DAB1: variants seen among roughly 807,000 people sequenced by gnomAD.
DAB1 encodes disabled homolog 1.
A neutral mutation model predicts 64.6 loss-of-function variants in DAB1; 15 were observed. The ratio of observed to expected loss-of-function variants is 0.23; its 90% confidence interval spans 0.16 to 0.36. The LOEUF (loss-of-function observed/expected upper bound fraction) is 0.36. DAB1 is among the 10% of genes least tolerant of loss of function. DAB1 has a pLI of 1.00. For synonymous variants in DAB1, 235 were observed against 251.9 expected (o/e 0.93, Z 0.64); for missense variants, 596 against 706.7 (o/e 0.84, Z 1.78).
chr1:58,230,360 C>T (rs1326453401), intron 4 of DAB1, among the ~76,000 whole-genome samples: 1 of 152,118 alleles, frequency 6.6e-6, no homozygotes, highest in African/African-American at 2.4e-5. Context: ...TAATAGCCAC[C>T]CAGGCAGGAG....
chr1:58,342,201 A>G (rs934752467), intron 4 of DAB1, among the ~76,000 whole-genome samples: 2 of 152,214 alleles, frequency 1.3e-5, no homozygotes, highest in Non-Finnish European at 2.9e-5. Context: ...ACTTAAAGAC[A>G]GTAGCACTTG....
At chr1:58,351,569 C>A (rs963453421) in intron 3 of DAB1, among the ~76,000 whole-genome samples, 6 of 151,656 alleles carry the variant, frequency 4.0e-5, no homozygotes, top group Admixed American at 6.6e-5. Context: ...TAAGTGTTGG[C>A]CTAGAGTAAG....
At chr1:58,040,324 ATGT>A (rs1468257492) in intron 5 of DAB1, among the ~76,000 whole-genome samples, 1 of 152,152 alleles carries the variant, frequency 6.6e-6, no homozygotes, top group African/African-American at 2.4e-5. Flanking sequence ...GAGTGGAAGG[ATGT>A]TGTGTTTCAT....
At chr1:57,604,934 T>A (rs1645618975) in intron 7 of DAB1, among the ~76,000 whole-genome samples, 1 of 152,168 alleles carries the variant, frequency 6.6e-6, no homozygotes, top group South Asian at 2.1e-4. Flanking sequence ...ATCTCTTGTA[T>A]CTTGGTGGCT....
intron 3 of DAB1, among the ~76,000 whole-genome samples, chr1:58,441,153 A>G (rs529546986): frequency 6.6e-6 from 1 of 152,336 alleles, no homozygotes; most frequent in South Asian, 2.1e-4. Flanking sequence ...CAGCCCTGCA[A>G]CAAAGATGCA....
intron 2 of DAB1, chr1:58,506,218 A>C (rs1645987489): frequency 1.2e-6 from 1 of 860,760 alleles, no homozygotes; most frequent in Non-Finnish European, 2.0e-6. Context: ...GCCTAAAACC[A>C]AAATTAGTAA....
intron 2 of DAB1, among the ~76,000 whole-genome samples, chr1:57,232,696 T>C (rs1177520954): frequency 6.6e-6 from 1 of 152,114 alleles, no homozygotes; most frequent in African/African-American, 2.4e-5. Flanking sequence ...GGCGCCCATC[T>C]GAAGAGCAAC....
At chr1:58,097,079 G>A (rs1442067779) in intron 5 of DAB1, among the ~76,000 whole-genome samples, 2 of 152,180 alleles carry the variant, frequency 1.3e-5, no homozygotes, top group African/African-American at 2.4e-5. Flanking sequence ...ACAGTTATTT[G>A]TTGAGGGCCA....
chr1:58,466,957 T>C (rs1167645913), intron 3 of DAB1, among the ~76,000 whole-genome samples: 1 of 152,224 alleles, frequency 6.6e-6, no homozygotes, highest in Non-Finnish European at 1.5e-5. Flanking sequence ...TGAATGAATA[T>C]GTGAATACAT....
intron 7 of DAB1, among the ~76,000 whole-genome samples, chr1:57,463,745 TC>T (rs1327508728): frequency 2.0e-5 from 3 of 152,204 alleles, no homozygotes; most frequent in African/African-American, 7.2e-5. Flanking sequence ...TTCTGTTTTT[TC>T]CCATGCTCTT....
intron 5 of DAB1, among the ~76,000 whole-genome samples, chr1:58,103,530 A>G (rs1429343684): frequency 1.3e-5 from 2 of 152,244 alleles, no homozygotes; most frequent in Non-Finnish European, 2.9e-5. Context: ...GACAGGAACC[A>G]GTATGACTGA....
At position 58,132,329 on chromosome 1, in the gene DAB1, C is replaced by G. The variant is rs148787316; in HGVS notation, n.387+18182G>C. Among the ~76,000 whole-genome samples the G allele has an allele frequency of 6.4e-4, 97 of 152,290 alleles. 1 individual carries two copies. In the East Asian group the frequency reaches 0.018, roughly 28 times the overall value. ...ACCCTGCTTCAGCTCGCGCACGGTG[C>G]ACGCACCCACTGACCTGCGCCCACT... On this transcript the variant is annotated intron_variant and non_coding_transcript_variant, in intron 5 of 20. Transcript: ENST00000485760.
At chr1:57,788,282 G>C (rs1650431407) in intron 6 of DAB1, among the ~76,000 whole-genome samples, 1 of 152,150 alleles carries the variant, frequency 6.6e-6, no homozygotes. Context: ...AGTGTCTATA[G>C]CCTGAGGAAT....
chr1:58,411,311 G>A (rs76019597), intron 3 of DAB1, among the ~76,000 whole-genome samples: 253 of 152,142 alleles, frequency 1.7e-3, no homozygotes, highest in Non-Finnish European at 2.7e-3. Flanking sequence ...TTATCTAGTC[G>A]CTGCAACACC....
chr1:58,327,762 C>T (rs1381917393), intron 4 of DAB1, among the ~76,000 whole-genome samples: 2 of 152,162 alleles, frequency 1.3e-5, no homozygotes, highest in African/African-American at 4.8e-5. Flanking sequence ...AGTTCGAGAC[C>T]AGCCTGGCCA....
In DAB1 at chr1:57,189,859, A is replaced by G. The variant is rs529155971; in HGVS notation, c.68-44430T>C. On this transcript the variant is annotated intron_variant, in intron 2 of 14. Coordinates refer to ENST00000371236, the MANE Select transcript of DAB1 (RefSeq NM_001365792.1). ...AAAGGGAAGGGGAAAAAAAAAAAAA[A>G]ACACAACAGAAAACAACCATAAGGG... Among the ~76,000 whole-genome samples the G allele has an allele frequency of 1.9e-4, 29 of 151,678 alleles. No individual in the cohort carries two copies. In the South Asian group the frequency reaches 4.8e-3, roughly 25 times the overall value.
intron 7 of DAB1, among the ~76,000 whole-genome samples, chr1:57,607,216 T>G (rs1645667867): frequency 6.6e-6 from 1 of 152,126 alleles, no homozygotes; most frequent in South Asian, 2.1e-4. Flanking sequence ...AAGGTGTGAT[T>G]TTTTGAGCTG....
At chr1:57,240,371 T>G (rs186779725) in intron 2 of DAB1, among the ~76,000 whole-genome samples, 1 of 152,320 alleles carries the variant, frequency 6.6e-6, no homozygotes, top group African/African-American at 2.4e-5. Context: ...AATGGCTTTC[T>G]TGCACACCTC....
intron 2 of DAB1, among the ~76,000 whole-genome samples, chr1:57,184,773 A>T (rs544091267): frequency 2.0e-5 from 3 of 152,102 alleles, no homozygotes; most frequent in African/African-American, 7.2e-5. Context: ...AGAGATACAC[A>T]CTCACTCCTG....
Sources: allele counts gnomAD v4.1 joint callset (sites outside exome capture counted in the v4.1 genomes callset), GRCh38; gene constraint gnomAD v4.1.1; transcripts MANE v1.5; gene names NCBI Gene and HGNC (gene_info 2026-07-23, HGNC 2026-07-21).